The following CUX1 variants were observed in gnomAD, a reference collection of about 807,000 sequenced individuals.
CUX1 encodes the protein protein CASP.
CUX1 carries 31 observed loss-of-function variants against 158.8 expected under a neutral mutation model. The ratio of observed to expected loss-of-function variants is 0.20; its 90% CI spans 0.15 to 0.26. The LOEUF is 0.26. CUX1 is among the 10% of genes least tolerant of loss of function. The probability of loss-of-function intolerance (pLI) is 1.00; values close to 1 mark genes in which losing one functional copy is unlikely to be tolerated. For synonymous variants in CUX1, 879 were observed against 862.1 expected (o/e 1.02, Z -0.34); for missense variants, 1,589 against 2,014.6 (o/e 0.79, Z 4.04).
chr7:101,997,088 T>G (rs1816014742), intron 2 of CUX1, among the ~76,000 whole-genome samples: 1 of 152,126 alleles, frequency 6.6e-6, no homozygotes. Context: ...CCCATGGGGC[T>G]CTGTCTGCAG....
chr7:102,249,340 A>G lies in CUX1; in HGVS notation c.*298A>G. 2.0e-6 allele frequency: 2 copies of G among 1,014,616 alleles called. No individual in the cohort carries two copies. Among genetic ancestry groups the G allele is most frequent in the Non-Finnish European group, 2.4e-6 (2 of 848,500 alleles). The allele number at this position is 1,014,616 out of a possible 1,614,324, so 62.9% of individuals were successfully genotyped here. A position where few individuals can be genotyped will look rare whatever the true frequency, so the allele number is the denominator to read the frequency against. ...CCTGGACCCCTGGACCGCTTTGCGC[A>G]CTTACCGCCCTGCGGGCCACAGGGC... On this transcript the variant is annotated 3_prime_UTR_variant, in exon 24 of 24. Coordinates refer to ENST00000292535, the MANE Select transcript of CUX1 (RefSeq NM_181552.4).
intron 23 of CUX1, among the ~76,000 whole-genome samples, chr7:102,245,544 A>C (rs1586420841): frequency 1.3e-5 from 2 of 152,200 alleles, no homozygotes; most frequent in African/African-American, 4.8e-5. Context: ...CAGCGGCTGG[A>C]TAGGGGGAAG....
chr7:101,920,807 A>G (rs1804825735), intron 2 of CUX1, among the ~76,000 whole-genome samples: 1 of 152,172 alleles, frequency 6.6e-6, no homozygotes, highest in Non-Finnish European at 1.5e-5. Flanking sequence ...TTAAGAATCA[A>G]TCGTGGAACA....
chr7:101,992,315 T>C (rs1427354341), intron 2 of CUX1, among the ~76,000 whole-genome samples: 3 of 152,094 alleles, frequency 2.0e-5, no homozygotes, highest in Non-Finnish European at 4.4e-5. Flanking sequence ...GTATTGTGCA[T>C]CCCTGTAAAA....
chr7:102,237,340 G>A (rs782634845), intron 22 of CUX1, among the ~76,000 whole-genome samples: 68 of 151,738 alleles, frequency 4.5e-4, no homozygotes, highest in African/African-American at 1.1e-3. Flanking sequence ...TGATCCTCCC[G>A]TCCCAGCTAC....
intron 2 of CUX1, among the ~76,000 whole-genome samples, chr7:101,924,838 A>C (rs1030351953): frequency 6.6e-6 from 1 of 151,150 alleles, no homozygotes; most frequent in South Asian, 2.1e-4. Context: ...GCCTCCCAAA[A>C]TGTTGGGATT....
intron 2 of CUX1, among the ~76,000 whole-genome samples, chr7:101,994,348 A>G (rs1443379437): frequency 6.6e-6 from 1 of 152,330 alleles, no homozygotes; most frequent in East Asian, 1.9e-4. Context: ...CATGCCTCTA[A>G]TCCCCAGCAG....
chr7:101,917,652 A>C (rs1348639237), intron 2 of CUX1, among the ~76,000 whole-genome samples: 1 of 152,182 alleles, frequency 6.6e-6, no homozygotes, highest in Non-Finnish European at 1.5e-5. Flanking sequence ...CAGCGGCTTC[A>C]GAGCAGACTT....
At chr7:101,894,873 T>TA (rs1801297302) in intron 1 of CUX1, among the ~76,000 whole-genome samples, 1 of 152,102 alleles carries the variant, frequency 6.6e-6, no homozygotes, top group African/African-American at 2.4e-5. Context: ...ATTGTTGAAC[T>TA]AAAGTGTGGT....
At chr7:102,191,503 G>T (rs1794272809) in intron 12 of CUX1, among the ~76,000 whole-genome samples, 1 of 152,068 alleles carries the variant, frequency 6.6e-6, no homozygotes, top group Non-Finnish European at 1.5e-5. Flanking sequence ...AAAGTGCCGG[G>T]ATTACATGTA....
chr7:102,006,482 C>T (rs1301797415), intron 2 of CUX1, among the ~76,000 whole-genome samples: 5 of 152,120 alleles, frequency 3.3e-5, no homozygotes, highest in East Asian at 1.9e-4. Flanking sequence ...CTGCAACCTC[C>T]GCCTCCCGGG....
At chr7:102,015,877 C>T (rs191592830) in intron 2 of CUX1, among the ~76,000 whole-genome samples, 123 of 152,208 alleles carry the variant, frequency 8.1e-4, no homozygotes, top group African/African-American at 2.8e-3. Flanking sequence ...TGTGGTGGCG[C>T]GATCACGACT....
At chr7:102,165,778 G>T (rs1554508591) in intron 9 of CUX1, among the ~76,000 whole-genome samples, 1 of 152,132 alleles carries the variant, frequency 6.6e-6, no homozygotes, top group African/African-American at 2.4e-5. Flanking sequence ...TGGACCCCTG[G>T]TTCCGGCTCT....
intron 8 of CUX1, among the ~76,000 whole-genome samples, chr7:102,132,331 C>T (rs1364887001): frequency 1.4e-5 from 2 of 144,330 alleles, no homozygotes; most frequent in Admixed American, 7.0e-5. Context: ...GCGCACGCCA[C>T]GCACACACGC....
intron 2 of CUX1, among the ~76,000 whole-genome samples, chr7:102,013,925 G>A (rs1031109371): frequency 6.6e-6 from 1 of 152,024 alleles, no homozygotes; most frequent in African/African-American, 2.4e-5. Flanking sequence ...AGCTGGTCTC[G>A]AACTCCTGGG....
At chr7:102,265,299 T>A (rs1385250409) in intron 14 of CUX1, among the ~76,000 whole-genome samples, 4 of 148,720 alleles carry the variant, frequency 2.7e-5, no homozygotes, top group African/African-American at 1.0e-4. Flanking sequence ...GAGGTTGCAG[T>A]GAGCCGAGAT....
At chr7:102,030,691 G>GTTTTTT (rs71119801) in intron 3 of CUX1, among the ~76,000 whole-genome samples, 3 of 119,386 alleles carry the variant, frequency 2.5e-5, no homozygotes, top group African/African-American at 6.2e-5. Flanking sequence ...TTTAAAAAGT[G>GTTTTTT]TTTTTTTTTT....
chr7:101,915,284 A>G (rs1804051033), intron 1 of CUX1, among the ~76,000 whole-genome samples: 1 of 152,118 alleles, frequency 6.6e-6, no homozygotes, highest in Non-Finnish European at 1.5e-5. Flanking sequence ...AGCTCTTCCC[A>G]GAATTTCTGA....
intron 1 of CUX1, among the ~76,000 whole-genome samples, chr7:101,911,133 G>A (rs116930405): frequency 6.6e-6 from 1 of 152,302 alleles, no homozygotes; most frequent in African/African-American, 2.4e-5. Flanking sequence ...GGCCGACTTG[G>A]TGATAGGCTT....
Sources: allele counts gnomAD v4.1 joint callset (sites outside exome capture counted in the v4.1 genomes callset), GRCh38; gene constraint gnomAD v4.1.1; transcripts MANE v1.5; gene names NCBI Gene and HGNC (gene_info 2026-07-23, HGNC 2026-07-21).